The following SPATA6 variants were observed in gnomAD, a reference collection of about 807,000 sequenced individuals.
SPATA6 encodes the protein spermatogenesis associated 6.
SPATA6 carries 56 observed loss-of-function variants against 65.3 expected under a neutral mutation model. That is an observed-to-expected ratio of 0.86 (90% CI 0.69 to 1.07). The LOEUF is 1.07. Among genes scored for constraint, SPATA6 ranks in the 50% least tolerant of loss-of-function variants. The probability of loss-of-function intolerance (pLI) is 0.00; values close to 1 mark genes in which losing one functional copy is unlikely to be tolerated. For missense variants in SPATA6, 590 were observed against 594.8 expected (o/e 0.99, Z 0.08); for synonymous variants, 199 against 213.2 (o/e 0.93, Z 0.58).
chr1:48,428,095 A>G (rs556884842), intron 3 of SPATA6, among the ~76,000 whole-genome samples: 18 of 152,296 alleles, frequency 1.2e-4, no homozygotes, highest in African/African-American at 4.1e-4. Context: ...ATATGGAACC[A>G]TATGCATCTG....
intron 3 of SPATA6, among the ~76,000 whole-genome samples, chr1:48,414,017 G>T (rs1030561371): frequency 1.3e-5 from 2 of 152,126 alleles, no homozygotes; most frequent in African/African-American, 4.8e-5. Context: ...CTCTATGTAT[G>T]GTACATATCA....
At chr1:48,322,385 G>T (rs541162993) in intron 11 of SPATA6, among the ~76,000 whole-genome samples, 2 of 152,038 alleles carry the variant, frequency 1.3e-5, no homozygotes, top group South Asian at 4.2e-4. Flanking sequence ...GATGAAACTG[G>T]ATCCCTTCCT....
At chr1:48,470,168 G>A (rs556902287) in intron 1 of SPATA6, among the ~76,000 whole-genome samples, 1 of 152,148 alleles carries the variant, frequency 6.6e-6, no homozygotes, top group Non-Finnish European at 1.5e-5. Context: ...CTAATACTCA[G>A]GAGAAATGTA....
intron 3 of SPATA6, among the ~76,000 whole-genome samples, chr1:48,446,818 C>T (rs1656093225): frequency 6.6e-6 from 1 of 152,128 alleles, no homozygotes; most frequent in Non-Finnish European, 1.5e-5. Context: ...ACATTATCAA[C>T]TTAAATGACA....
At chr1:48,444,495 C>A (rs546924151) in intron 3 of SPATA6, among the ~76,000 whole-genome samples, 6 of 151,924 alleles carry the variant, frequency 3.9e-5, no homozygotes, top group African/African-American at 1.5e-4. Context: ...TACCAATCAG[C>A]GCTCTGTGTC....
the SPATA6 span, among the ~76,000 whole-genome samples, chr1:48,267,612 G>A: frequency 6.6e-6 from 1 of 151,982 alleles, no homozygotes; most frequent in Non-Finnish European, 1.5e-5. Context: ...GTCCTACCTG[G>A]TCTACAGGCG....
intron 11 of SPATA6, among the ~76,000 whole-genome samples, chr1:48,311,125 C>T (rs888754569): frequency 6.6e-6 from 1 of 151,888 alleles, no homozygotes; most frequent in Admixed American, 6.6e-5. Context: ...AAAAAGAAGA[C>T]CTCAAATCAA....
chr1:48,459,035 C>A (rs1478131012), intron 1 of SPATA6, among the ~76,000 whole-genome samples: 1 of 151,752 alleles, frequency 6.6e-6, no homozygotes, highest in Non-Finnish European at 1.5e-5. Context: ...GAAAACCCAT[C>A]TCTACTAAAA....
intron 1 of SPATA6, among the ~76,000 whole-genome samples, chr1:48,455,892 C>T (rs1432758969): frequency 2.0e-5 from 3 of 151,898 alleles, no homozygotes; most frequent in African/African-American, 7.3e-5. Flanking sequence ...AAAAAAACAC[C>T]CAGCAGCTTT....
At chr1:48,379,198 G>A (rs1316050047) in intron 9 of SPATA6, among the ~76,000 whole-genome samples, 1 of 152,182 alleles carries the variant, frequency 6.6e-6, no homozygotes, top group Non-Finnish European at 1.5e-5. Context: ...GCAGGCAAGA[G>A]AGAGCAAGCA....
the SPATA6 span, among the ~76,000 whole-genome samples, chr1:48,263,697 C>G: frequency 6.6e-6 from 1 of 152,208 alleles, no homozygotes; most frequent in African/African-American, 2.4e-5. Flanking sequence ...TGAACTCATA[C>G]TACTCATTGA....
rs538301594 is a variant in SPATA6 at position 48,363,485 on chromosome 1, T to A, written c.910-3715A>T. Among the ~76,000 whole-genome samples the A allele has an allele frequency of 2.0e-5, 3 of 152,256 alleles. No individual in the cohort carries two copies. In the South Asian group the frequency reaches 6.2e-4, roughly 32 times the overall value. The stretch of plus-strand genomic sequence containing the variant: ...TTACCTATGAACTGAAAACACAATA[T>A]TACAGATTTGACACAAAAATTAAAT... On this transcript the variant is annotated intron_variant, in intron 9 of 12. Transcript: ENST00000371847.
chr1:48,468,236 G>A (rs1657963231), intron 1 of SPATA6, among the ~76,000 whole-genome samples: 3 of 152,058 alleles, frequency 2.0e-5, no homozygotes, highest in African/African-American at 2.4e-5. Context: ...ACACTATTCC[G>A]ATTTCTATCA....
chr1:48,290,694 A>C (rs919846819), downstream of SPATA6, among the ~76,000 whole-genome samples: 28 of 152,216 alleles, frequency 1.8e-4, no homozygotes, highest in African/African-American at 6.8e-4. Flanking sequence ...AGAAGTTGCA[A>C]TCCTAGTCTC....
At chr1:48,443,757 A>G (rs1655742703) in intron 3 of SPATA6, among the ~76,000 whole-genome samples, 1 of 152,226 alleles carries the variant, frequency 6.6e-6, no homozygotes, top group Admixed American at 6.5e-5. Flanking sequence ...GTTGGGCGAC[A>G]TGACTTCTTC....
intron 4 of SPATA6, 29 bp downstream of exon 4, chr1:48,413,081 A>T: frequency 2.6e-6 from 2 of 776,602 alleles, no homozygotes; most frequent in Non-Finnish European, 3.6e-6. Context: ...GATATCTTAT[A>T]TTGTATATAT....
chr1:48,403,783 T>C lies in SPATA6; in HGVS notation c.486+19A>G, dbSNP rs1423490755. 1 of 1,574,114 alleles carries C rather than the reference T, an allele frequency of 6.4e-7. No homozygotes were observed. The highest frequency in any genetic ancestry group is 2.3e-5 in the East Asian group (1 of 43,890). On this transcript the variant is annotated intron_variant, in intron 6 of 12. Transcript: ENST00000371847. ...CAAATAAATTAAACCATTAAATACT[T>C]TATACAAATAATTTTAACCTGAGTG...
intron 9 of SPATA6, among the ~76,000 whole-genome samples, chr1:48,367,352 G>T (rs1305729248): frequency 2.6e-5 from 4 of 152,132 alleles, no homozygotes; most frequent in African/African-American, 9.7e-5. Context: ...GGGTATCCTT[G>T]TTAACTTTCT....
intron 3 of SPATA6, among the ~76,000 whole-genome samples, chr1:48,423,333 GT>G (rs1490633504): frequency 6.6e-6 from 1 of 151,606 alleles, no homozygotes; most frequent in African/African-American, 2.4e-5. Flanking sequence ...GTGCATGCTG[GT>G]AATCCCAGCT....
Sources: gnomAD v4.1 joint callset for allele counts (sites outside exome capture counted in the v4.1 genomes callset) on GRCh38, gnomAD v4.1.1 for gene constraint, MANE v1.5 for transcripts, NCBI Gene and HGNC (gene_info 2026-07-23, HGNC 2026-07-21) for gene names.